Variants in PCNT observed in about 807,000 individuals in gnomAD.
PCNT encodes the protein kendrin.
In PCNT, 319 loss-of-function variants were observed where a neutral mutation model predicts 380.4. The ratio of observed to expected loss-of-function variants is 0.84; its 90% CI spans 0.77 to 0.92. The LOEUF (loss-of-function observed/expected upper bound fraction) is 0.92. Among genes scored for constraint, PCNT ranks in the 40% least tolerant of loss-of-function variants. The probability of loss-of-function intolerance (pLI) is 0.00; values close to 1 mark genes in which losing one functional copy is unlikely to be tolerated. For missense variants in PCNT, 4,400 were observed against 4,255.3 expected (o/e 1.03, Z -0.95); for synonymous variants, 1,845 against 1,735.2 (o/e 1.06, Z -1.57).
At chr21:46,327,791 T>A (rs2083438480) in intron 2 of PCNT, among the ~76,000 whole-genome samples, 1 of 152,222 alleles carries the variant, frequency 6.6e-6, no homozygotes, top group Non-Finnish European at 1.5e-5. Context: ...AAACGTGAGA[T>A]GAAGAGGGAA....
Position 46,387,856 on chromosome 21 carries a change from CAT to C in PCNT, c.3465-884_3465-883del, listed in dbSNP as rs528978645. Among the ~76,000 whole-genome samples, 59 of 152,232 alleles carry C rather than the reference CAT, an allele frequency of 3.9e-4. No homozygotes were observed. In the South Asian group the frequency reaches 0.012, roughly 31 times the overall value. On this transcript the variant is annotated intron_variant, in intron 17 of 46. Coordinates refer to ENST00000359568, the MANE Select transcript of PCNT (RefSeq NM_006031.6). ...CTCAGCGGCGTCACAGCTCCTAAAT[CAT>C]AGTGCAGGGAGCGAGATGTGGAGGG...
At chr21:46,442,131 C>T (rs559388974) in intron 43 of PCNT, among the ~76,000 whole-genome samples, 9 of 152,286 alleles carry the variant, frequency 5.9e-5, no homozygotes, top group South Asian at 2.1e-4. Flanking sequence ...GGGTCCTGCA[C>T]ACCAGGCGGG....
At position 46,353,715 on chromosome 21, in the gene PCNT, GGTGT is replaced by G. The variant is rs72175446; in HGVS notation, c.1680-238_1680-235del. Among the ~76,000 whole-genome samples the G allele has an allele frequency of 0.19, 23,975 of 128,890 alleles. 2,261 individuals carry two copies. The highest frequency in any genetic ancestry group is 0.37 in the East Asian group (1,634 of 4,406). 84.6% of individuals were successfully genotyped at this position (128,890 alleles called of 152,430 possible). On this transcript the variant is annotated intron_variant, in intron 10 of 46. Transcript: ENST00000359568. Reference sequence around the variant, plus strand: ...TTGGTGGCAGGGGCACTCTCCTCCAGGTGTGTGTGTGTGTGTGTGTGTGTGTGTG... The same window carrying G: ...TTGGTGGCAGGGGCACTCTCCTCCAGGTGTGTGTGTGTGTGTGTGTGTGTG...
intron 13 of PCNT, among the ~76,000 whole-genome samples, chr21:46,363,197 T>C (rs576040788): frequency 4.6e-5 from 7 of 152,308 alleles, no homozygotes; most frequent in South Asian, 2.1e-4. Flanking sequence ...TGATGTGTGC[T>C]GCCTTCGGTT....
chr21:46,363,549 A>G lies in PCNT; in HGVS notation c.2224A>G (p.Lys742Glu), dbSNP rs1359882870. 3 of 1,614,056 alleles carry G rather than the reference A, an allele frequency of 1.9e-6. No homozygotes were observed. Among genetic ancestry groups the G allele is most frequent in the South Asian group, 1.1e-5 (1 of 91,068 alleles). The stretch of plus-strand genomic sequence containing the variant: ...TGCTAAGCAAAAGACTGAGCTGATG[A>G]AACAGGAATTCCAAAGAAAAGAAAC... ...NNAKQKTELM[K>E]QEFQRKETDW... is the part of the protein sequence containing the mutation. The change falls in exon 14 of 47, where the codon AAA becomes GAA. Residue 742 changes from lysine (K) to glutamate (E), a missense_variant. Coordinates refer to ENST00000359568, the MANE Select transcript of PCNT (RefSeq NM_006031.6).
At chr21:46,383,423 T>C (rs2085668251) in intron 16 of PCNT, among the ~76,000 whole-genome samples, 2 of 143,502 alleles carry the variant, frequency 1.4e-5, no homozygotes, top group African/African-American at 5.2e-5. Context: ...GTGCATTCAG[T>C]GGCAGAAGCG....
At chr21:46,394,074 G>A (rs2086126410) in intron 21 of PCNT, among the ~76,000 whole-genome samples, 1 of 152,228 alleles carries the variant, frequency 6.6e-6, no homozygotes, top group Non-Finnish European at 1.5e-5. Flanking sequence ...CCCTGCCCTA[G>A]TTTCTCACTC....
chr21:46,363,059 G>A (rs1363583401), intron 13 of PCNT, among the ~76,000 whole-genome samples: 2 of 152,192 alleles, frequency 1.3e-5, no homozygotes, highest in African/African-American at 4.8e-5. Flanking sequence ...ATCCGATCAT[G>A]CTTGCTGCAG....
intron 12 of PCNT, 115 bp downstream of exon 12, chr21:46,355,741 C>T (rs974510820): frequency 1.1e-5 from 11 of 1,016,700 alleles, no homozygotes; most frequent in South Asian, 4.1e-5. Context: ...CTGAGTGCTC[C>T]GACCTCTTCT....
chr21:46,380,145 A>ATTTTTTTTTTT (rs552854585), intron 15 of PCNT, among the ~76,000 whole-genome samples: 4 of 59,714 alleles, frequency 6.7e-5, no homozygotes, highest in African/African-American at 2.4e-4. Flanking sequence ...CCTGGGGTAG[A>ATTTTTTTTTTT]TTTTTTTTTT....
chr21:46,385,308 A>G (rs2085792902), intron 16 of PCNT, among the ~76,000 whole-genome samples: 2 of 152,164 alleles, frequency 1.3e-5, no homozygotes, highest in African/African-American at 4.8e-5. Flanking sequence ...GTGAGCTGTG[A>G]TTGTGCCACT....
At chr21:46,375,169 T>C (rs142874128) in intron 15 of PCNT, among the ~76,000 whole-genome samples, 13 of 152,292 alleles carry the variant, frequency 8.5e-5, no homozygotes, top group African/African-American at 3.1e-4. Flanking sequence ...TGCCCTGCCC[T>C]GCCCCGCCTG....
chr21:46,435,897 A>C lies in PCNT; in HGVS notation c.8752-7A>C. Reference sequence around the variant, plus strand: ...CGTCTTCTCTGTCTTTTTTCTGTTAACAACAGCGAGAATTAGAACTGCAGC... The same window carrying C: ...CGTCTTCTCTGTCTTTTTTCTGTTACCAACAGCGAGAATTAGAACTGCAGC... On this transcript the variant is annotated splice_polypyrimidine_tract_variant and splice_region_variant and intron_variant, in intron 38 of 46. Coordinates refer to ENST00000359568, the MANE Select transcript of PCNT (RefSeq NM_006031.6). The C allele has an allele frequency of 1.2e-6, 2 of 1,614,080 alleles. No individual in the cohort carries two copies. Among genetic ancestry groups the C allele is most frequent in the Non-Finnish European group, 1.7e-6 (2 of 1,179,988 alleles).
In PCNT at chr21:46,432,206, G is replaced by A. The variant is rs1158564301; in HGVS notation, c.8742G>A (p.Lys2914=). The change falls in exon 38 of 47, where the codon AAG becomes AAA. Residue 2914 remains lysine, a synonymous_variant. Transcript: ENST00000359568. ...AGTGGAGGAAGTGGCAGAGAGACAA[G>A]GAGAAGCTGGTGAGAGCCGCCTGCC... ...AEQWRKWQRD[K]EKLRELELQR... 1 of 1,609,410 alleles carries A rather than the reference G, an allele frequency of 6.2e-7. No individual in the cohort carries two copies. The highest frequency in any genetic ancestry group is 1.7e-5 in the Admixed American group (1 of 59,556).
At chr21:46,344,474 G>A (rs2084003395) in intron 3 of PCNT, among the ~76,000 whole-genome samples, 2 of 152,348 alleles carry the variant, frequency 1.3e-5, no homozygotes, top group Middle Eastern at 3.4e-3. Flanking sequence ...CCACCATGCC[G>A]CCCTTCCCTG....
chr21:46,416,538 C>A lies in PCNT; in HGVS notation c.6620C>A (p.Ala2207Glu), dbSNP rs1390820606. The change falls in exon 30 of 47, where the codon GCA (alanine) becomes GAA (glutamate). Residue 2207 changes from alanine (A) to glutamate (E), a missense_variant. Ala to Glu is a moderately radical substitution (Grantham distance 107). Coordinates refer to ENST00000359568, the MANE Select transcript of PCNT (RefSeq NM_006031.6). ...LGGSRHQSHT[A>E]EAGPRKSPVG... is the part of the protein sequence containing the mutation. Reference sequence around the variant, plus strand: ...GGCTCCCGCCACCAGAGCCACACTGCAGAGGCTGGGCCCCGGAAGAGCCCG... The same window carrying A: ...GGCTCCCGCCACCAGAGCCACACTGAAGAGGCTGGGCCCCGGAAGAGCCCG... The A allele has an allele frequency of 1.2e-6, 2 of 1,613,556 alleles. No homozygotes were observed. Among genetic ancestry groups the A allele is most frequent in the Admixed American group, 1.7e-5 (1 of 59,978 alleles).
At chr21:46,338,354 A>C (rs138256480) in intron 3 of PCNT, among the ~76,000 whole-genome samples, 1 of 152,008 alleles carries the variant, frequency 6.6e-6, no homozygotes, top group Admixed American at 6.6e-5. Flanking sequence ...TTTTTGTTCT[A>C]TGGTTTTGCC....
At chr21:46,438,513 G>A (rs2053523098) in intron 41 of PCNT, among the ~76,000 whole-genome samples, 176 bp downstream of exon 41, 1 of 152,190 alleles carries the variant, frequency 6.6e-6, no homozygotes, top group African/African-American at 2.4e-5. Flanking sequence ...GTTGTGGGAT[G>A]TTTGAACATC....
chr21:46,439,217 C>T lies in PCNT; in HGVS notation c.9274-866C>T, dbSNP rs139771720. The stretch of plus-strand genomic sequence containing the variant: ...TAACCACCATTCACAGAGCACACAG[C>T]GATGGCCCCCCCAAAAAGAGCAGCA... On this transcript the variant is annotated intron_variant, in intron 41 of 46. Transcript: ENST00000359568. Among the ~76,000 whole-genome samples, 417 of 152,298 alleles carry T rather than the reference C, an allele frequency of 2.7e-3. 2 individuals are homozygous for T. Among genetic ancestry groups the T allele is most frequent in the Middle Eastern group, 0.024 (7 of 294 alleles).
Sources: allele counts gnomAD v4.1 joint callset (sites outside exome capture counted in the v4.1 genomes callset), GRCh38; gene constraint gnomAD v4.1.1; transcripts MANE v1.5; gene names NCBI Gene and HGNC (gene_info 2026-07-23, HGNC 2026-07-21).